The following SCGN variants were observed in gnomAD, a reference collection of about 807,000 sequenced individuals.
The protein encoded by SCGN is secretagogin.
SCGN carries 30 observed loss-of-function variants against 39.7 expected under a neutral mutation model. That is an observed-to-expected ratio of 0.76 (90% CI 0.57 to 1.03). SCGN has a LOEUF of 1.03. Ranked by LOEUF, SCGN falls within the 50% of genes least tolerant of loss-of-function variation. The pLI is 0.00. For missense variants in SCGN, 353 were observed against 349.4 expected (o/e 1.01, Z -0.08); for synonymous variants, 106 against 114.1 (o/e 0.93, Z 0.45).
At chr6:25,695,505 A>T (rs2151383737) in intron 10 of SCGN, among the ~76,000 whole-genome samples, 1 of 152,296 alleles carries the variant, frequency 6.6e-6, no homozygotes, top group Non-Finnish European at 1.5e-5. Flanking sequence ...TGTTAATCAT[A>T]TGCACAATAA....
chr6:25,689,151 T>G, intron 7 of SCGN, 21 bp from the exon 8 acceptor site: 2 of 49,168 alleles, frequency 4.1e-5, no homozygotes, highest in Non-Finnish European at 5.4e-5. Context: ...CTTACGTGGA[T>G]TTTTTTTTTT....
At chr6:25,661,295 T>C (rs1032047835) in intron 2 of SCGN, among the ~76,000 whole-genome samples, 2 of 152,196 alleles carry the variant, frequency 1.3e-5, no homozygotes. Flanking sequence ...TCTAAGCTTC[T>C]TTTCATCAAT....
Position 25,652,268 on chromosome 6 carries a change from T to A in SCGN, c.-136T>A, listed in dbSNP as rs1440447958. On this transcript the variant is annotated 5_prime_UTR_variant, in exon 1 of 11. Transcript: ENST00000377961. ...GCCACGGCCAGCAGCGCTCGCGTCC[T>A]CCCCAGCAACAGTTACTCAAAGCTA... is the stretch of plus-strand genomic sequence containing the variant. 2.8e-6 allele frequency: 2 copies of A among 711,746 alleles called. No individual in the cohort carries two copies. The highest frequency in any genetic ancestry group is 1.8e-5 in the African/African-American group (1 of 56,316). 44.1% of individuals were successfully genotyped at this position (711,746 alleles called of 1,614,324 possible).
intron 2 of SCGN, among the ~76,000 whole-genome samples, chr6:25,660,208 A>G (rs1452115733): frequency 6.6e-6 from 1 of 152,166 alleles, no homozygotes; most frequent in African/African-American, 2.4e-5. Flanking sequence ...ATGTTTATTC[A>G]CCTGCTCTTC....
chr6:25,659,052 A>G (rs1760285395), intron 2 of SCGN, among the ~76,000 whole-genome samples: 1 of 152,182 alleles, frequency 6.6e-6, no homozygotes, highest in African/African-American at 2.4e-5. Flanking sequence ...TTTGCTATGC[A>G]CCCACCTCCT....
In SCGN at chr6:25,693,451, C is replaced by CAAAAAAAAAAAAAA. The variant is rs11376402; in HGVS notation, c.702+2339_702+2352dup. ...TGGGCAACAGAGCGAGACTCCGTCT[C>CAAAAAAAAAAAAAA]AAAAAAAAAAAAAAAAAAAAAAAAA... On this transcript the variant is annotated intron_variant, in intron 10 of 10. Coordinates refer to ENST00000377961, the MANE Select transcript of SCGN (RefSeq NM_006998.4). Among the ~76,000 whole-genome samples the CAAAAAAAAAAAAAA allele has an allele frequency of 4.1e-5, 2 of 48,422 alleles. 1 individual carries two copies. Among genetic ancestry groups the CAAAAAAAAAAAAAA allele is most frequent in the South Asian group, 2.8e-3 (2 of 714 alleles). The allele number at this position is 48,422 out of a possible 152,430, so 31.8% of individuals were successfully genotyped here.
chr6:25,689,643 A>G (rs908900286), intron 9 of SCGN, 111 bp downstream of exon 9: 5 of 835,728 alleles, frequency 6.0e-6, no homozygotes, highest in East Asian at 2.4e-5. Context: ...ATGAATACCA[A>G]TCCCATCTGT....
chr6:25,673,880 G>C (rs1331522892), intron 6 of SCGN, among the ~76,000 whole-genome samples: 2 of 152,178 alleles, frequency 1.3e-5, no homozygotes, highest in Non-Finnish European at 2.9e-5. Flanking sequence ...CATGGTGCTG[G>C]CATCTGCTTT....
chr6:25,685,789 AT>A (rs1475588754), intron 7 of SCGN, among the ~76,000 whole-genome samples: 2 of 152,178 alleles, frequency 1.3e-5, no homozygotes, highest in Non-Finnish European at 2.9e-5. Flanking sequence ...CCAATCTACA[AT>A]TTGGTAGATT....
At position 25,701,535 on chromosome 6, in the gene SCGN, G is replaced by T; in HGVS notation, c.*200G>T. The T allele has an allele frequency of 1.9e-6, 1 of 529,140 alleles. No homozygotes were observed. 32.8% of individuals were successfully genotyped at this position (529,140 alleles called of 1,614,324 possible). A position where few individuals can be genotyped will look rare whatever the true frequency, so the allele number is the denominator to read the frequency against. On this transcript the variant is annotated 3_prime_UTR_variant, in exon 11 of 11. Transcript: ENST00000377961. ...CACTGAAAGCCCCTGTGTAGTGTCT[G>T]TGTTGTTTTCCCTTGACCCTGGGCT...
Position 25,689,530 on chromosome 6 carries a change from G to T in SCGN, c.631G>T (p.Val211Phe), listed in dbSNP as rs1159150479. The change falls in exon 9 of 11, where the codon GTT becomes TTT. Residue 211 changes from valine to phenylalanine, a missense_variant and splice_region_variant. By Grantham distance (50) the Val-to-Phe change is conservative. Coordinates refer to ENST00000377961, the MANE Select transcript of SCGN (RefSeq NM_006998.4). ...DFEKIFAYYD[V>F]SKTGALEGPE... is the part of the protein sequence containing the mutation. ...TGAGAAAATCTTTGCCTACTATGAT[G>T]TTGTAAGTGTGCGTCTTTATACTGT... 1 of 1,613,176 alleles carries T rather than the reference G, an allele frequency of 6.2e-7. No individual in the cohort carries two copies. The highest frequency in any genetic ancestry group is 8.5e-7 in the Non-Finnish European group (1 of 1,179,290).
intron 2 of SCGN, among the ~76,000 whole-genome samples, chr6:25,659,380 C>A (rs925048295): frequency 2.0e-5 from 3 of 152,200 alleles, no homozygotes; most frequent in Non-Finnish European, 4.4e-5. Context: ...TCTCAACCAA[C>A]AACAAGGTGC....
intron 7 of SCGN, among the ~76,000 whole-genome samples, chr6:25,687,069 C>A (rs1032558154): frequency 1.3e-5 from 2 of 152,134 alleles, no homozygotes; most frequent in Admixed American, 6.5e-5. Flanking sequence ...ATGCCAATAT[C>A]ACACTATCTT....
At chr6:25,662,344 A>G (rs574608675) in intron 3 of SCGN, among the ~76,000 whole-genome samples, 94 of 152,344 alleles carry the variant, frequency 6.2e-4, no homozygotes, top group Non-Finnish European at 1.0e-3. Context: ...GACTTGAGTT[A>G]CTTTCCTAGA....
At chr6:25,667,416 A>G (rs1410559210) in intron 4 of SCGN, among the ~76,000 whole-genome samples, 1 of 152,194 alleles carries the variant, frequency 6.6e-6, no homozygotes, top group Non-Finnish European at 1.5e-5. Context: ...ATCCCATTAC[A>G]GTCTACATAT....
At chr6:25,681,362 A>G (rs1454004426) in intron 6 of SCGN, among the ~76,000 whole-genome samples, 4 of 152,230 alleles carry the variant, frequency 2.6e-5, no homozygotes, top group Non-Finnish European at 5.9e-5. Context: ...GGGCTAGAAT[A>G]AAATAGTTTC....
At chr6:25,653,006 T>C (rs775021778) in intron 1 of SCGN, among the ~76,000 whole-genome samples, 1 of 152,206 alleles carries the variant, frequency 6.6e-6, no homozygotes, top group African/African-American at 2.4e-5. Flanking sequence ...AAATAAAATA[T>C]CTAAAAGGTG....
intron 10 of SCGN, among the ~76,000 whole-genome samples, chr6:25,695,386 C>T (rs1255342221): frequency 6.6e-6 from 1 of 152,050 alleles, no homozygotes; most frequent in East Asian, 1.9e-4. Context: ...TCTAGCCACC[C>T]CCCTCCACCT....
At chr6:25,663,200 T>C (rs1402487949) in intron 3 of SCGN, among the ~76,000 whole-genome samples, 1 of 152,196 alleles carries the variant, frequency 6.6e-6, no homozygotes, top group Non-Finnish European at 1.5e-5. Flanking sequence ...TGCTGTACCA[T>C]TGACCATTTC....
Sources: allele counts gnomAD v4.1 joint callset (sites outside exome capture counted in the v4.1 genomes callset), GRCh38; gene constraint gnomAD v4.1.1; transcripts MANE v1.5; gene names NCBI Gene and HGNC (gene_info 2026-07-23, HGNC 2026-07-21).